CSDC2: variants seen among roughly 807,000 people sequenced by gnomAD.
CSDC2 encodes cold shock domain containing C2, also known as cold shock domain-containing protein C2.
A neutral mutation model predicts 15.8 loss-of-function variants in CSDC2; 8 were observed. That is an observed-to-expected ratio of 0.51 (90% confidence interval 0.30 to 0.92). The LOEUF is 0.92. Among genes scored for constraint, CSDC2 ranks in the 40% least tolerant of loss-of-function variants. The probability of loss-of-function intolerance (pLI) is 0.07; values close to 1 mark genes in which losing one functional copy is unlikely to be tolerated. For missense variants in CSDC2, 195 were observed against 213.3 expected (o/e 0.91, Z 0.53); for synonymous variants, 96 against 92.3 (o/e 1.04, Z -0.23).
At chr22:41,561,669 G>C (rs1362001544) in intron 1 of CSDC2, among the ~76,000 whole-genome samples, 1 of 152,210 alleles carries the variant, frequency 6.6e-6, no homozygotes, top group African/African-American at 2.4e-5. Flanking sequence ...GTCTTATCCT[G>C]ACTCTATTTT....
At chr22:41,574,611 G>T in intron 3 of CSDC2, 122 bp from the exon 4 acceptor site, 2 of 1,164,594 alleles carry the variant, frequency 1.7e-6, no homozygotes, top group Non-Finnish European at 1.2e-6. Context: ...TGAGAAGCAA[G>T]GCCTGGCCAG....
chr22:41,572,123 G>A lies in CSDC2; in HGVS notation c.158G>A (p.Arg53Gln), dbSNP rs1184732513. Reference protein sequence around the residue: ...RDLPSPLPTKRTRTYSATARA... With the variant: ...RDLPSPLPTKQTRTYSATARA... ...CTACCCAGCCCTCTGCCCACCAAGC[G>A]GACCAGGACCTATTCAGCGTGAGTA... Residue 53 changes from arginine to glutamine, a missense_variant, in exon 2 of 4, where the codon CGG becomes CAG. Physicochemically the swap from Arg to Gln is conservative, Grantham distance 43. Coordinates refer to ENST00000306149, the MANE Select transcript of CSDC2 (RefSeq NM_014460.4). 9.0e-6 allele frequency: 12 copies of A among 1,333,070 alleles called. No homozygotes were observed. The highest frequency in any genetic ancestry group is 3.4e-5 in the Admixed American group (1 of 29,320). 82.6% of individuals were successfully genotyped at this position (1,333,070 alleles called of 1,614,324 possible).
intron 1 of CSDC2, among the ~76,000 whole-genome samples, chr22:41,570,432 G>C (rs1279188179): frequency 6.6e-6 from 1 of 152,188 alleles, no homozygotes; most frequent in African/African-American, 2.4e-5. Context: ...ATCCAGGCCT[G>C]CCATGCAGGG....
rs1265418052 is a variant in CSDC2, at chr22:41,563,911, A to T, written c.-124+2728A>T. ...ACGGTGAAACCCCGTCTCTACTAAA[A>T]ATACAAAAAAAAAAAAAGAAAAATT... On this transcript the variant is annotated intron_variant, in intron 1 of 3. Transcript: ENST00000306149. Among the ~76,000 whole-genome samples the T allele has an allele frequency of 6.7e-5, 10 of 149,762 alleles. No individual in the cohort carries two copies. In the East Asian group the frequency reaches 2.0e-3, roughly 29 times the overall value.
chr22:41,570,202 TC>T (rs1360151769), intron 1 of CSDC2, among the ~76,000 whole-genome samples: 1 of 152,196 alleles, frequency 6.6e-6, no homozygotes, highest in African/African-American at 2.4e-5. Context: ...AAGCCCCACT[TC>T]AGCCTTTTCA....
chr22:41,573,088 T>C (rs2067156500), intron 2 of CSDC2, among the ~76,000 whole-genome samples: 1 of 152,166 alleles, frequency 6.6e-6, no homozygotes, highest in African/African-American at 2.4e-5. Flanking sequence ...CTCATGCCTG[T>C]AATCCCAGCA....
intron 1 of CSDC2, among the ~76,000 whole-genome samples, chr22:41,562,096 C>G (rs2067089049): frequency 1.3e-5 from 2 of 152,096 alleles, no homozygotes; most frequent in Admixed American, 1.3e-4. Context: ...ACTGCTGCAT[C>G]CACTGGGGCT....
chr22:41,569,865 T>C (rs2067136395), intron 1 of CSDC2, among the ~76,000 whole-genome samples: 1 of 148,458 alleles, frequency 6.7e-6, no homozygotes, highest in Non-Finnish European at 1.5e-5. Flanking sequence ...CTGCAACCTC[T>C]GCCTCCCGGG....
chr22:41,570,876 A>G (rs1277214671), intron 1 of CSDC2, among the ~76,000 whole-genome samples: 1 of 150,588 alleles, frequency 6.6e-6, no homozygotes, highest in African/African-American at 2.4e-5. Context: ...TGTAAATTCC[A>G]GCTACTTGGG....
At chr22:41,572,188 G>A (rs1393226141) in intron 2 of CSDC2, 47 bp downstream of exon 2, 3 of 1,262,890 alleles carry the variant, frequency 2.4e-6, no homozygotes, top group Non-Finnish European at 3.0e-6. Context: ...GTCAGGACAG[G>A]GGCTGACCAT....
chr22:41,574,716 C>T lies in CSDC2; in HGVS notation c.300-17C>T, dbSNP rs1168215422. On this transcript the variant is annotated splice_polypyrimidine_tract_variant and intron_variant, in intron 3 of 3. Coordinates refer to ENST00000306149, the MANE Select transcript of CSDC2 (RefSeq NM_014460.4). ...AGGGCCTGCTGCTGGGCTAATACCC[C>T]TCTTCCTGCCCGCCAGCATCGAGGG... 1 of 1,612,488 alleles carries T rather than the reference C, an allele frequency of 6.2e-7. No individual in the cohort carries two copies. Among genetic ancestry groups the T allele is most frequent in the Admixed American group, 1.7e-5 (1 of 59,928 alleles).
At chr22:41,561,797 G>C (rs1045877050) in intron 1 of CSDC2, among the ~76,000 whole-genome samples, 1 of 152,204 alleles carries the variant, frequency 6.6e-6, no homozygotes, top group Admixed American at 6.5e-5. Flanking sequence ...CTGCCTGCTG[G>C]TCTGCTCTGA....
At chr22:41,569,246 C>T (rs756529709) in intron 1 of CSDC2, among the ~76,000 whole-genome samples, 1 of 152,224 alleles carries the variant, frequency 6.6e-6, no homozygotes, top group Non-Finnish European at 1.5e-5. Context: ...TTTGCTGCCC[C>T]GTCTTCTTTT....
At position 41,574,887 on chromosome 22, in the gene CSDC2, G is replaced by T; in HGVS notation, c.454G>T (p.Gly152Cys). ...PHETWSGQVVGS is the reference protein window; with the variant it reads ...PHETWSGQVVCS ...CGAGACGTGGTCTGGCCAGGTCGTG[G>T]GCTCCTAGGCTGAGTGGTTCACAGG... is the stretch of plus-strand genomic sequence containing the variant. Residue 152 changes from glycine (G) to cysteine (C), a missense_variant, in exon 4 of 4, where the codon GGC becomes TGC. By Grantham distance (159) the Gly-to-Cys change is radical. Coordinates refer to ENST00000306149, the MANE Select transcript of CSDC2 (RefSeq NM_014460.4). The T allele has an allele frequency of 5.0e-6, 8 of 1,590,702 alleles. No homozygotes were observed. The highest frequency in any genetic ancestry group is 6.8e-6 in the Non-Finnish European group (8 of 1,168,974).
intron 1 of CSDC2, among the ~76,000 whole-genome samples, chr22:41,564,893 C>G (rs747461909): frequency 6.6e-6 from 1 of 152,056 alleles, no homozygotes. Flanking sequence ...TACAGTCAGG[C>G]GCGGTGGCTC....
chr22:41,573,752 G>A lies in CSDC2; in HGVS notation c.274G>A (p.Glu92Lys), dbSNP rs1374373828. ...HGFITPENGS[E>K]DIFVHVSDIE... ...CTTCATCACCCCCGAGAACGGGTCCGAGGACATCTTCGTACATGTGTCTGA... is the reference window on the plus strand; with the variant it reads ...CTTCATCACCCCCGAGAACGGGTCCAAGGACATCTTCGTACATGTGTCTGA... Residue 92 changes from glutamate to lysine, a missense_variant, in exon 3 of 4, where the codon GAG (glutamate) becomes AAG (lysine). Coordinates refer to ENST00000306149, the MANE Select transcript of CSDC2 (RefSeq NM_014460.4). 5 of 1,613,534 alleles carry A rather than the reference G, an allele frequency of 3.1e-6. No individual in the cohort carries two copies. Among genetic ancestry groups the A allele is most frequent in the Non-Finnish European group, 3.4e-6 (4 of 1,179,738 alleles).
At chr22:41,572,659 C>T (rs908967709) in intron 2 of CSDC2, among the ~76,000 whole-genome samples, 4 of 152,014 alleles carry the variant, frequency 2.6e-5, no homozygotes, top group African/African-American at 9.7e-5. Flanking sequence ...GCATGGGGTA[C>T]CAGAGGAGAT....
Position 41,572,026 on chromosome 22 carries a change from G to A in CSDC2, c.61G>A (p.Val21Ile), listed in dbSNP as rs1275359646. Residue 21 changes from valine (V) to isoleucine (I), a missense_variant, in exon 2 of 4, where the codon GTC becomes ATC. Physicochemically the swap from Val to Ile is conservative, Grantham distance 29. Coordinates refer to ENST00000306149, the MANE Select transcript of CSDC2 (RefSeq NM_014460.4). Reference protein sequence around the residue: ...VPPLHSPKSPVWPTFPFHREG... With the variant: ...VPPLHSPKSPIWPTFPFHREG... ...CCCGCTCCACTCCCCCAAGTCCCCA[G>A]TCTGGCCCACCTTCCCCTTCCACAG... 2.9e-6 allele frequency: 4 copies of A among 1,359,020 alleles called. No homozygotes were observed. The highest frequency in any genetic ancestry group is 3.0e-5 in the East Asian group (1 of 33,280). The allele number at this position is 1,359,020 out of a possible 1,614,324, so 84.2% of individuals were successfully genotyped here. A position where few individuals can be genotyped will look rare whatever the true frequency, so the allele number is the denominator to read the frequency against.
chr22:41,573,404 T>C (rs1285990508), intron 2 of CSDC2, among the ~76,000 whole-genome samples: 1 of 151,772 alleles, frequency 6.6e-6, no homozygotes, highest in Non-Finnish European at 1.5e-5. Context: ...CCCTATGTTG[T>C]CCAGGCTGGT....
Sources: gnomAD v4.1 joint callset for allele counts (sites outside exome capture counted in the v4.1 genomes callset) on GRCh38, gnomAD v4.1.1 for gene constraint, MANE v1.5 for transcripts, NCBI Gene and HGNC (gene_info 2026-07-23, HGNC 2026-07-21) for gene names.